KLF9: variants seen among roughly 807,000 people sequenced by gnomAD.
KLF9 encodes KLF transcription factor 9, also known as Krueppel-like factor 9.
KLF9 carries 2 observed loss-of-function variants against 17.3 expected under a neutral mutation model. That is an observed-to-expected ratio of 0.12 (90% CI 0.05 to 0.36). The LOEUF is 0.36. KLF9 is among the 10% of genes least tolerant of loss of function. The probability of loss-of-function intolerance (pLI) is 1.00; values close to 1 mark genes in which losing one functional copy is unlikely to be tolerated. For synonymous variants in KLF9, 138 were observed against 139.2 expected (o/e 0.99, Z 0.06); for missense variants, 226 against 333.2 (o/e 0.68, Z 2.51).
Position 70,413,387 on chromosome 9 carries a change from C to G in KLF9, c.-24G>C, listed in dbSNP as rs776054134. The G allele has an allele frequency of 1.4e-6, 2 of 1,470,684 alleles. No individual in the cohort carries two copies. The highest frequency in any genetic ancestry group is 1.8e-6 in the Non-Finnish European group (2 of 1,112,970). The allele number at this position is 1,470,684 out of a possible 1,614,324, so 91.1% of individuals were successfully genotyped here. A position where few individuals can be genotyped will look rare whatever the true frequency, so the allele number is the denominator to read the frequency against. ...ATGGTGCGGGCGACGGCAGCCCAGG[C>G]GGCGCGGACAAACTTGGCGGTGGCT... is the stretch of plus-strand genomic sequence containing the variant. On this transcript the variant is annotated 5_prime_UTR_variant, in exon 1 of 2. Transcript: ENST00000377126. The surrounding 1 kb of genome is among the most constrained non-coding windows in gnomAD (Gnocchi z 5.6).
rs1250348375 is a variant in KLF9 at position 70,412,975 on chromosome 9, C to G, written c.389G>C (p.Gly130Ala). ...GGCGTGTTTCCCCTTCGCAGCCACT[C>G]CAGGATGGAGGAGGGAGAGCGGGCT... ...APSPLSLLHP[G>A]VAAKGKHASE... Residue 130 changes from glycine (G) to alanine (A), a missense_variant, in exon 1 of 2, where the codon GGA (glycine) becomes GCA (alanine). Transcript: ENST00000377126. 1 of 1,614,064 alleles carries G rather than the reference C, an allele frequency of 6.2e-7. No homozygotes were observed. The highest frequency in any genetic ancestry group is 8.5e-7 in the Non-Finnish European group (1 of 1,180,048).
At chr9:70,408,910 A>T (rs1040446189) in intron 1 of KLF9, among the ~76,000 whole-genome samples, 5 of 149,632 alleles carry the variant, frequency 3.3e-5, no homozygotes, top group Non-Finnish European at 7.4e-5. Flanking sequence ...GAAGAGGCTA[A>T]GGAGCAGAAG....
At chr9:70,411,455 C>A (rs1441209110) in intron 1 of KLF9, among the ~76,000 whole-genome samples, 1 of 152,296 alleles carries the variant, frequency 6.6e-6, no homozygotes, top group East Asian at 1.9e-4. Flanking sequence ...CTTACAGATA[C>A]AAGCCTTAAA....
chr9:70,390,229 T>C (rs2037144345), intron 1 of KLF9, among the ~76,000 whole-genome samples: 1 of 152,176 alleles, frequency 6.6e-6, no homozygotes, highest in African/African-American at 2.4e-5. Context: ...CTGTAGCAGT[T>C]GATTCTCTAT....
chr9:70,388,778 C>T (rs1002775085), intron 1 of KLF9, among the ~76,000 whole-genome samples: 3 of 152,190 alleles, frequency 2.0e-5, no homozygotes, highest in Admixed American at 6.5e-5. Flanking sequence ...TCTGTCACAT[C>T]TTTTATTGAT....
intron 1 of KLF9, among the ~76,000 whole-genome samples, chr9:70,401,957 G>A (rs768086436): frequency 1.3e-5 from 2 of 151,824 alleles, no homozygotes; most frequent in Non-Finnish European, 2.9e-5. Flanking sequence ...GGAGGTTGCA[G>A]TGAGCGAGAT....
Position 70,409,073 on chromosome 9 carries a change from T to TGC in KLF9, c.505+3785_505+3786insGC, listed in dbSNP as rs1564089201. Among the ~76,000 whole-genome samples, 5 of 88,524 alleles carry TGC rather than the reference T, an allele frequency of 5.6e-5. No individual in the cohort carries two copies. In the East Asian group the frequency reaches 1.2e-3, roughly 21 times the overall value. The allele number at this position is 88,524 out of a possible 152,430, so 58.1% of individuals were successfully genotyped here. ...ATACATATATGTGTATATATATGTGTATATATATACACATATATGTATATA... is the reference window on the plus strand; with the variant it reads ...ATACATATATGTGTATATATATGTGTGCATATATATACACATATATGTATATA... On this transcript the variant is annotated intron_variant, in intron 1 of 1. Coordinates refer to ENST00000377126, the MANE Select transcript of KLF9 (RefSeq NM_001206.4).
chr9:70,412,241 G>A (rs2037323321), intron 1 of KLF9, among the ~76,000 whole-genome samples: 1 of 144,304 alleles, frequency 6.9e-6, no homozygotes, highest in South Asian at 2.2e-4. Flanking sequence ...GGCTCATCAG[G>A]AGGACTCATG....
intron 1 of KLF9, among the ~76,000 whole-genome samples, chr9:70,400,787 T>A (rs973418798): frequency 6.6e-6 from 1 of 152,106 alleles, no homozygotes; most frequent in African/African-American, 2.4e-5. Flanking sequence ...ACATGCCACA[T>A]GGGCCACCAG....
At chr9:70,390,657 ACTCTCT>A (rs142487683) in intron 1 of KLF9, among the ~76,000 whole-genome samples, 15 of 146,344 alleles carry the variant, frequency 1.0e-4, no homozygotes, top group Non-Finnish European at 1.8e-4. Flanking sequence ...ACATACACAC[ACTCTCT>A]CTCTCTCTCT....
At chr9:70,398,368 CA>C (rs2037197815) in intron 1 of KLF9, among the ~76,000 whole-genome samples, 1 of 152,196 alleles carries the variant, frequency 6.6e-6, no homozygotes, top group Non-Finnish European at 1.5e-5. Flanking sequence ...CTCATTTAAG[CA>C]TGTCAGAGTC....
intron 1 of KLF9, among the ~76,000 whole-genome samples, chr9:70,390,676 C>T (rs911422798): frequency 2.3e-4 from 35 of 152,140 alleles, no homozygotes; most frequent in African/African-American, 6.3e-4. Context: ...CTCTCTCTCT[C>T]GTCCTCCTCC....
In KLF9 at chr9:70,387,676, A is replaced by C. The variant is rs2037123299; in HGVS notation, c.*100T>G. On this transcript the variant is annotated 3_prime_UTR_variant, in exon 2 of 2. Coordinates refer to ENST00000377126, the MANE Select transcript of KLF9 (RefSeq NM_001206.4). ...AAGAGCAGTGACTTCCTGTGCCGTCAAGTGTGCCTCTTCTGGGGCTCAGTT... is the reference window on the plus strand; with the variant it reads ...AAGAGCAGTGACTTCCTGTGCCGTCCAGTGTGCCTCTTCTGGGGCTCAGTT... 4 of 953,642 alleles carry C rather than the reference A, an allele frequency of 4.2e-6. No homozygotes were observed. The Admixed American group carries it at 7.3e-5, about 17-fold the overall frequency. The allele number at this position is 953,642 out of a possible 1,614,324, so 59.1% of individuals were successfully genotyped here.
chr9:70,411,774 C>G (rs374603193), intron 1 of KLF9, among the ~76,000 whole-genome samples: 3 of 152,176 alleles, frequency 2.0e-5, no homozygotes, highest in African/African-American at 7.2e-5. Context: ...CTAACTCCAA[C>G]AATACCCTCT....
At position 70,404,847 on chromosome 9, in the gene KLF9, A is replaced by G. The variant is rs1250945696; in HGVS notation, c.505+8012T>C. ...TACAGATGAGAAACCTGAGGCTCAG[A>G]GAAGGTAAGTAGAGCCTGAGTTGTC... On this transcript the variant is annotated intron_variant, in intron 1 of 1. Transcript: ENST00000377126. Among the ~76,000 whole-genome samples the G allele has an allele frequency of 2.6e-5, 4 of 152,164 alleles. No homozygotes were observed. The East Asian group carries it at 7.7e-4, about 29-fold the overall frequency.
At chr9:70,410,281 T>C (rs1444490683) in intron 1 of KLF9, among the ~76,000 whole-genome samples, 2 of 152,206 alleles carry the variant, frequency 1.3e-5, no homozygotes, top group East Asian at 1.9e-4. Flanking sequence ...GGTAACTAAT[T>C]AAATTTTTAT....
chr9:70,390,043 C>A (rs975927457), intron 1 of KLF9, among the ~76,000 whole-genome samples: 1 of 152,200 alleles, frequency 6.6e-6, no homozygotes, highest in African/African-American at 2.4e-5. Context: ...TTTTCCCCAG[C>A]GTCTCTTAAC....
intron 1 of KLF9, among the ~76,000 whole-genome samples, chr9:70,411,527 A>G (rs964584333): frequency 1.3e-5 from 2 of 152,190 alleles, no homozygotes; most frequent in Non-Finnish European, 2.9e-5. Context: ...TGCATTAACC[A>G]TGGAGGAAAT....
intron 1 of KLF9, among the ~76,000 whole-genome samples, chr9:70,407,450 C>T (rs751017050): frequency 9.9e-5 from 15 of 152,232 alleles, no homozygotes; most frequent in East Asian, 3.8e-4. Flanking sequence ...CTTCTCACCA[C>T]GCACAGAAGA....
Sources: gnomAD v4.1 joint callset for allele counts (sites outside exome capture counted in the v4.1 genomes callset) on GRCh38, gnomAD v4.1.1 for gene constraint, Gnocchi (gnomAD v3.1) non-coding constraint, MANE v1.5 for transcripts, NCBI Gene and HGNC (gene_info 2026-07-23, HGNC 2026-07-21) for gene names.